Variants in FHIP1B observed in about 807,000 individuals in gnomAD.
FHIP1B encodes FHF complex subunit HOOK-interacting protein 1B.
A neutral mutation model predicts 82.2 loss-of-function variants in FHIP1B; 28 were observed. That is an observed-to-expected ratio of 0.34 (90% CI 0.25 to 0.47). The LOEUF (loss-of-function observed/expected upper bound fraction) is 0.47, where lower values mean the gene tolerates loss of function less well. Among genes scored for constraint, FHIP1B ranks in the 20% least tolerant of loss-of-function variants. FHIP1B has a pLI of 1.00. For synonymous variants in FHIP1B, 585 were observed against 516.1 expected (o/e 1.13, Z -1.81); for missense variants, 1,110 against 1,262.6 (o/e 0.88, Z 1.83).
chr11:6,232,322 T>A (rs1045461875), intron 1 of FHIP1B, among the ~76,000 whole-genome samples: 3 of 152,240 alleles, frequency 2.0e-5, no homozygotes, highest in African/African-American at 7.2e-5. Flanking sequence ...TATGATCCAC[T>A]ATCAAGATGT....
Position 6,222,588 on chromosome 11 carries a change from C to A in FHIP1B, c.1045G>T (p.Ala349Ser). The A allele has an allele frequency of 1.2e-6, 2 of 1,614,010 alleles. No homozygotes were observed. The highest frequency in any genetic ancestry group is 8.5e-7 in the Non-Finnish European group (1 of 1,179,986). ...LHKTSVEEMI[A>S]STAYLELFLR... ...AAAAGTTCCAGATAGGCGGTACTGG[C>A]GATCATCTCCTCCACAGAGGTCTGC... Residue 349 changes from alanine (A) to serine (S), a missense_variant, in exon 6 of 12, where the codon GCC (alanine) becomes TCC (serine). Around this residue, in one of 6 missense-constraint regions of FHIP1B, gnomAD observed 467 missense variants for 602.9 expected, o/e 0.77. Transcript: ENST00000449352.
At position 6,223,254 on chromosome 11, in the gene FHIP1B, A is replaced by T. The variant is rs1847466758; in HGVS notation, c.778-16T>A. 1.9e-6 allele frequency: 3 copies of T among 1,580,488 alleles called. No individual in the cohort carries two copies. Among genetic ancestry groups the T allele is most frequent in the Non-Finnish European group, 2.6e-6 (3 of 1,171,600 alleles). On this transcript the variant is annotated splice_polypyrimidine_tract_variant and intron_variant, in intron 3 of 11. Transcript: ENST00000449352. This position sits in a 1 kb window ranked among gnomAD's most constrained non-coding sequence, Gnocchi z 4.8. Reference sequence around the variant, plus strand: ...TGGCCAGCACCTATGAGAAGTTACCAAAAGCTCATATATAAAATACATTTA... The same window carrying T: ...TGGCCAGCACCTATGAGAAGTTACCTAAAGCTCATATATAAAATACATTTA...
chr11:6,223,290 A>G lies in FHIP1B; in HGVS notation c.778-52T>C. The G allele has an allele frequency of 6.5e-7, 1 of 1,535,748 alleles. No individual in the cohort carries two copies. The highest frequency in any genetic ancestry group is 8.8e-7 in the Non-Finnish European group (1 of 1,141,444). ...TATAAAATACATTTATAAAATATAA[A>G]AACTGGAACAGGGGAGCTAGTAATC... On this transcript the variant is annotated intron_variant, in intron 3 of 11. Coordinates refer to ENST00000449352, the MANE Select transcript of FHIP1B (RefSeq NM_001098794.2). The surrounding 1 kb of genome is among the most constrained non-coding windows in gnomAD (Gnocchi z 4.8).
At chr11:6,233,412 G>A (rs894114743) in intron 1 of FHIP1B, among the ~76,000 whole-genome samples, 3 of 152,152 alleles carry the variant, frequency 2.0e-5, no homozygotes, top group Non-Finnish European at 2.9e-5. Flanking sequence ...GTGCATTTGG[G>A]TTGGTGGGGA....
intron 1 of FHIP1B, among the ~76,000 whole-genome samples, chr11:6,233,956 T>A (rs370571230): frequency 6.6e-6 from 1 of 152,182 alleles, no homozygotes; most frequent in East Asian, 1.9e-4. Context: ...CTATTGCCTA[T>A]GACACCTTCA....
chr11:6,211,895 G>A (rs1847084117), intron 11 of FHIP1B, 28 bp from the exon 12 acceptor site: 3 of 1,521,976 alleles, frequency 2.0e-6, no homozygotes, highest in African/African-American at 2.8e-5. Context: ...TATCATGAAG[G>A]TGCTGGGATC....
At chr11:6,216,419 G>A (rs1847227311) in intron 9 of FHIP1B, among the ~76,000 whole-genome samples, 1 of 152,240 alleles carries the variant, frequency 6.6e-6, no homozygotes, top group Non-Finnish European at 1.5e-5. Flanking sequence ...CTCACAATGT[G>A]CCATAATTGT....
rs1388612908 is a variant in FHIP1B, at chr11:6,217,925, TA to T, written c.1660del (p.Tyr554IlefsTer108). 1 of 1,612,886 alleles carries T rather than the reference TA, an allele frequency of 6.2e-7. No homozygotes were observed. The highest frequency in any genetic ancestry group is 1.7e-5 in the Admixed American group (1 of 60,028). On this transcript the variant is annotated frameshift_variant, in exon 9 of 12. Coordinates refer to ENST00000449352, the MANE Select transcript of FHIP1B (RefSeq NM_001098794.2). LOFTEE classifies it high-confidence loss of function. The stretch of plus-strand genomic sequence containing the variant: ...CACACCACGACGTGCCTCACGCAGA[TA>T]CTCCAGGTAATTGTCTTCCAGCTCT... ...PGELEDNYLE[Y>X]LREARRGVDR...
chr11:6,233,000 A>G (rs1847737475), intron 1 of FHIP1B, among the ~76,000 whole-genome samples: 1 of 152,222 alleles, frequency 6.6e-6, no homozygotes, highest in South Asian at 2.1e-4. Flanking sequence ...CATCTTGGAT[A>G]GATGATAATT....
At chr11:6,215,460 AC>A (rs1452602239) in intron 9 of FHIP1B, 2 of 152,276 alleles carry the variant, frequency 1.3e-5, no homozygotes, top group African/African-American at 4.8e-5. Context: ...ATTAGGTTCC[AC>A]AAAAAACGGA....
In FHIP1B at chr11:6,214,725, T is replaced by C. The variant is rs369028295; in HGVS notation, c.2394+8A>G. The stretch of plus-strand genomic sequence containing the variant: ...CTGGACGCACCCATGCATGCATGCA[T>C]CGCACACCTGCAGCAGGGACTTGAC... On this transcript the variant is annotated splice_region_variant and intron_variant, in intron 10 of 11. Transcript: ENST00000449352. 42 of 1,565,992 alleles carry C rather than the reference T, an allele frequency of 2.7e-5. No individual in the cohort carries two copies. In the African/African-American group the frequency reaches 4.5e-4, roughly 17 times the overall value.
intron 6 of FHIP1B, 152 bp from the exon 7 acceptor site, chr11:6,219,202 A>C (rs17238727): frequency 0.04 from 24,689 of 622,422 alleles, 560 homozygotes; most frequent in Non-Finnish European, 0.045. Flanking sequence ...CTGGCACATA[A>C]GTCATTCAAG....
intron 11 of FHIP1B, among the ~76,000 whole-genome samples, chr11:6,212,758 A>C (rs1847108366): frequency 6.6e-6 from 1 of 152,216 alleles, no homozygotes; most frequent in Admixed American, 6.5e-5. Flanking sequence ...AGAGCCCTTC[A>C]CAATCAGGCT....
At chr11:6,222,294 G>T in intron 6 of FHIP1B, 148 bp downstream of exon 6, 1 of 851,386 alleles carries the variant, frequency 1.2e-6, no homozygotes, top group Non-Finnish European at 1.9e-6. Context: ...ATGGTTAAAA[G>T]TTTAATGCTG....
intron 1 of FHIP1B, among the ~76,000 whole-genome samples, chr11:6,232,338 A>C (rs1476575191): frequency 6.6e-6 from 1 of 152,248 alleles, no homozygotes. Context: ...GATGTGATCC[A>C]GGTATTATAT....
At chr11:6,215,078 T>C in intron 9 of FHIP1B, 167 bp from the exon 10 acceptor site, 1 of 591,108 alleles carries the variant, frequency 1.7e-6, no homozygotes, top group East Asian at 3.2e-5. Context: ...GGAAATAAGA[T>C]GGCAGACACC....
chr11:6,218,892 T>G, intron 7 of FHIP1B, 79 bp downstream of exon 7: 2 of 1,569,314 alleles, frequency 1.3e-6, no homozygotes, highest in Non-Finnish European at 1.8e-6. Context: ...GTAACCCCTA[T>G]ATAGCCCATT....
At chr11:6,216,728 T>C in intron 9 of FHIP1B, 1 of 276,752 alleles carries the variant, frequency 3.6e-6, no homozygotes, top group Non-Finnish European at 6.9e-6. Context: ...CTTTGTCATT[T>C]GCCTTCAAAG....
intron 11 of FHIP1B, among the ~76,000 whole-genome samples, chr11:6,213,169 C>T (rs779505756): frequency 1.3e-5 from 2 of 152,186 alleles, no homozygotes; most frequent in African/African-American, 2.4e-5. Context: ...ATGAAGAAAC[C>T]ATGCAAAAGA....
Sources: gnomAD v4.1 joint callset for allele counts (sites outside exome capture counted in the v4.1 genomes callset) on GRCh38, gnomAD v4.1.1 for gene constraint, gnomAD v4.1.1 regional missense constraint, Gnocchi (gnomAD v3.1) non-coding constraint, MANE v1.5 for transcripts, NCBI Gene and HGNC (gene_info 2026-07-23, HGNC 2026-07-21) for gene names.